Variants in LRRC45 observed in about 807,000 individuals in gnomAD.
The protein encoded by LRRC45 is leucine rich repeat containing 45.
LRRC45 carries 73 observed loss-of-function variants against 85.4 expected under a neutral mutation model. The observed-to-expected ratio is 0.85, with a 90% CI of 0.71 to 1.04. The LOEUF (loss-of-function observed/expected upper bound fraction) is 1.04. Ranked by LOEUF, LRRC45 falls within the 50% of genes least tolerant of loss-of-function variation. The probability of loss-of-function intolerance (pLI) is 0.00; values close to 1 mark genes in which losing one functional copy is unlikely to be tolerated. For missense variants in LRRC45, 937 were observed against 883.3 expected (o/e 1.06, Z -0.77); for synonymous variants, 429 against 386.0 (o/e 1.11, Z -1.31).
At chr17:82,028,821 G>A (rs1463688189) in intron 12 of LRRC45, 138 bp downstream of exon 12, 11 of 1,019,128 alleles carry the variant, frequency 1.1e-5, no homozygotes, top group Middle Eastern at 2.9e-4. Context: ...CAGCCTGAGC[G>A]GATGTCAGAC....
At chr17:82,027,323 T>C in intron 6 of LRRC45, 63 bp from the exon 7 acceptor site, 1 of 1,591,962 alleles carries the variant, frequency 6.3e-7, no homozygotes, top group Non-Finnish European at 8.6e-7. Flanking sequence ...TCCTTCCCCC[T>C]GAGAAGGTCA....
Position 82,024,323 on chromosome 17 carries a change from G to C in LRRC45, c.266G>C (p.Arg89Pro), listed in dbSNP as rs766533025. 6.2e-7 allele frequency: 1 copy of C among 1,612,326 alleles called. No homozygotes were observed. ...LRGLCANTVL[R>P]FLDLKGNNLR... ...GGCCTGTGTGCCAACACCGTGCTGC[G>C]CTTTCTGGACTTAAAGGTGAGATAC... Residue 89 changes from arginine (R) to proline (P), a missense_variant, in exon 2 of 17, where the codon CGC becomes CCC. Coordinates refer to ENST00000306688, the MANE Select transcript of LRRC45 (RefSeq NM_144999.4).
chr17:82,028,347 G>A, intron 10 of LRRC45, 36 bp downstream of exon 10: 3 of 1,605,740 alleles, frequency 1.9e-6, no homozygotes, highest in East Asian at 2.2e-5. Flanking sequence ...AGCCCAGGGT[G>A]GGCGCGGCAG....
intron 7 of LRRC45, 59 bp downstream of exon 7, chr17:82,027,503 C>T (rs953458130): frequency 3.1e-6 from 5 of 1,607,222 alleles, no homozygotes; most frequent in Admixed American, 1.7e-5. Context: ...CTGGCTCAGA[C>T]TCAGATGGGA....
chr17:82,023,716 C>T lies in LRRC45; in HGVS notation c.73C>T (p.Gln25Ter). Residue 25 changes from glutamine to a stop codon, truncating the protein, a stop_gained, in exon 1 of 17, where the codon CAG (glutamine) becomes TAG (stop). Coordinates refer to ENST00000306688, the MANE Select transcript of LRRC45 (RefSeq NM_144999.4). LOFTEE classifies it high-confidence loss of function. ...SGAEPQEAVL[Q>*]QLHQLPRGRL... The stretch of plus-strand genomic sequence containing the variant: ...GGCCGAGCCCCAGGAGGCTGTCCTG[C>T]AGCAGCTGCACCAGCTTCCCAGGGG... 6.4e-7 allele frequency: 1 copy of T among 1,550,652 alleles called. No homozygotes were observed. Among genetic ancestry groups the T allele is most frequent in the Non-Finnish European group, 8.7e-7 (1 of 1,152,774 alleles).
intron 12 of LRRC45, 29 bp from the exon 13 acceptor site, chr17:82,029,064 C>A (rs571041342): frequency 6.2e-7 from 1 of 1,602,754 alleles, no homozygotes; most frequent in African/African-American, 1.3e-5. Context: ...GCTCTCCACT[C>A]TGGCCCCACA....
rs1055064616 is a variant in LRRC45 at position 82,023,617 on chromosome 17, G to A, written c.-27G>A. ...CTTTCAGCAGCTGCGGGAGCATGCG[G>A]AGGAGGCCCTGCCGGCCCCGCGGGT... On this transcript the variant is annotated 5_prime_UTR_variant, in exon 1 of 17. Coordinates refer to ENST00000306688, the MANE Select transcript of LRRC45 (RefSeq NM_144999.4). 3.3e-6 allele frequency: 5 copies of A among 1,504,296 alleles called. No individual in the cohort carries two copies. The African/African-American group carries it at 4.1e-5, about 12-fold the overall frequency. 93.2% of individuals were successfully genotyped at this position (1,504,296 alleles called of 1,614,324 possible).
intron 13 of LRRC45, 170 bp from the exon 14 acceptor site, chr17:82,029,373 C>T (rs2043396775): frequency 1.1e-6 from 1 of 932,666 alleles, no homozygotes; most frequent in Non-Finnish European, 1.6e-6. Flanking sequence ...ATTCGGACTT[C>T]CTTGGCCTTA....
chr17:82,029,352 A>T, intron 13 of LRRC45, 167 bp downstream of exon 13: 1 of 886,688 alleles, frequency 1.1e-6, no homozygotes, highest in Non-Finnish European at 1.7e-6. Context: ...AGCTAAAGGG[A>T]CTTAGGTGGC....
At chr17:82,026,599 T>C in intron 5 of LRRC45, among the ~76,000 whole-genome samples, 1 of 151,102 alleles carries the variant, frequency 6.6e-6, no homozygotes, top group East Asian at 1.9e-4. Context: ...TGTGTGTGTG[T>C]GACTGAGTTT....
Position 82,030,831 on chromosome 17 carries a change from G to GT in LRRC45, c.*27dup, listed in dbSNP as rs1470404243. The GT allele has an allele frequency of 7.6e-7, 1 of 1,318,194 alleles. No homozygotes were observed. The highest frequency in any genetic ancestry group is 2.8e-5 in the East Asian group (1 of 35,606). The allele number at this position is 1,318,194 out of a possible 1,614,324, so 81.7% of individuals were successfully genotyped here. A position where few individuals can be genotyped will look rare whatever the true frequency, so the allele number is the denominator to read the frequency against. On this transcript the variant is annotated 3_prime_UTR_variant, in exon 17 of 17. Transcript: ENST00000306688. ...GACAGGCCGGGAGGACCCGGGCGCA[G>GT]TAGGAGTGCATCAGGCGGCGCCCGA...
At chr17:82,024,016 G>A (rs1165855216) in intron 1 of LRRC45, 153 bp downstream of exon 1, 6 of 751,682 alleles carry the variant, frequency 8.0e-6, no homozygotes, top group Non-Finnish European at 1.3e-5. Flanking sequence ...GGAGTAGAGG[G>A]CAGTTCCTCT....
rs1367922998 is a variant in LRRC45, at chr17:82,024,297, A to T, written c.240A>T (p.Arg80=). The T allele has an allele frequency of 6.2e-7, 1 of 1,612,276 alleles. No individual in the cohort carries two copies. The highest frequency in any genetic ancestry group is 8.5e-7 in the Non-Finnish European group (1 of 1,179,940). Residue 80 remains arginine, a synonymous_variant, in exon 2 of 17, where the codon CGA becomes CGT. Coordinates refer to ENST00000306688, the MANE Select transcript of LRRC45 (RefSeq NM_144999.4). ...ACACAGGGGCCACACTGCTGCTCCG[A>T]GGCCTGTGTGCCAACACCGTGCTGC... The part of the protein sequence containing the change: ...LSEEGATLLL[R]GLCANTVLRF...
At position 82,023,329 on chromosome 17, in the gene LRRC45, G is replaced by A. The variant is rs4310938; in HGVS notation, c.-315G>A. 0.68 allele frequency: 304,337 copies of A among 446,986 alleles called. 106,723 individuals are homozygous for A. The highest frequency in any genetic ancestry group is 0.8 in the African/African-American group (38,556 of 48,118). The allele number at this position is 446,986 out of a possible 1,614,324, so 27.7% of individuals were successfully genotyped here. On this transcript the variant is annotated 5_prime_UTR_variant, in exon 1 of 17. Coordinates refer to ENST00000306688, the MANE Select transcript of LRRC45 (RefSeq NM_144999.4). The stretch of plus-strand genomic sequence containing the variant: ...TGTTCTTCCTGGATACTGAGGCCCC[G>A]ACGCGGCTGTCGCGAGGGCGGGGGT...
chr17:82,026,651 C>T (rs1037639910), intron 5 of LRRC45, among the ~76,000 whole-genome samples: 3 of 151,726 alleles, frequency 2.0e-5, no homozygotes, highest in Middle Eastern at 3.2e-3. Flanking sequence ...GCAATCTCGG[C>T]TCACTGCAAC....
Position 82,025,152 on chromosome 17 carries a change from A to C in LRRC45, c.506A>C (p.Lys169Thr). 1 of 1,604,940 alleles carries C rather than the reference A, an allele frequency of 6.2e-7. No homozygotes were observed. The highest frequency in any genetic ancestry group is 8.5e-7 in the Non-Finnish European group (1 of 1,175,020). ...KGAEELALALKGNTTLQQLDL... is the reference protein window; with the variant it reads ...KGAEELALALTGNTTLQQLDL... ...GCGGAGGAGCTGGCCCTAGCCCTGA[A>C]GGGCAACACCACCCTCCAGCAGCTG... Residue 169 changes from lysine to threonine, a missense_variant, in exon 4 of 17, where the codon AAG (lysine) becomes ACG (threonine). Transcript: ENST00000306688.
chr17:82,025,410 G>T lies in LRRC45; in HGVS notation c.564G>T (p.Gly188=). ...DLRWNNVGLL[G]GRALMNCLPS... ...GCTGGAATAACGTTGGCCTCCTGGGGGGCCGGGCCCTCATGAACTGTCTCC... is the reference window on the plus strand; with the variant it reads ...GCTGGAATAACGTTGGCCTCCTGGGTGGCCGGGCCCTCATGAACTGTCTCC... The change falls in exon 5 of 17, where the codon GGG becomes GGT. Residue 188 remains glycine, a synonymous_variant. Coordinates refer to ENST00000306688, the MANE Select transcript of LRRC45 (RefSeq NM_144999.4). The T allele has an allele frequency of 6.3e-7, 1 of 1,599,020 alleles. No individual in the cohort carries two copies. Among genetic ancestry groups the T allele is most frequent in the Non-Finnish European group, 8.5e-7 (1 of 1,172,416 alleles).
chr17:82,023,323 G>A lies in LRRC45; in HGVS notation c.-321G>A, dbSNP rs4072802. On this transcript the variant is annotated 5_prime_UTR_variant, in exon 1 of 17. Coordinates refer to ENST00000306688, the MANE Select transcript of LRRC45 (RefSeq NM_144999.4). ...GCGCCTTGTTCTTCCTGGATACTGA[G>A]GCCCCGACGCGGCTGTCGCGAGGGC... is the stretch of plus-strand genomic sequence containing the variant. 2.5e-4 allele frequency: 115 copies of A among 464,256 alleles called. 2 individuals are homozygous for A. In the South Asian group the frequency reaches 2.9e-3, roughly 12 times the overall value. 28.8% of individuals were successfully genotyped at this position (464,256 alleles called of 1,614,324 possible).
chr17:82,023,935 C>A, intron 1 of LRRC45, 72 bp downstream of exon 1: 3 of 1,383,380 alleles, frequency 2.2e-6, no homozygotes, highest in South Asian at 1.3e-5. Context: ...AGCCCGAGGT[C>A]GCTTCCTCTC....
Sources: allele counts gnomAD v4.1 joint callset (sites outside exome capture counted in the v4.1 genomes callset), GRCh38; gene constraint gnomAD v4.1.1; transcripts MANE v1.5; gene names NCBI Gene and HGNC (gene_info 2026-07-23, HGNC 2026-07-21).